The following HCRTR2 variants were observed in gnomAD, a reference collection of about 807,000 sequenced individuals.
The protein encoded by HCRTR2 is orexin receptor type 2.
A neutral mutation model predicts 49.0 loss-of-function variants in HCRTR2; 22 were observed. That is an observed-to-expected ratio of 0.45 (90% confidence interval 0.32 to 0.64). The LOEUF (loss-of-function observed/expected upper bound fraction) is 0.64, where lower values mean the gene tolerates loss of function less well. Among genes scored for constraint, HCRTR2 ranks in the 30% least tolerant of loss-of-function variants. HCRTR2 has a pLI of 0.04. For synonymous variants in HCRTR2, 236 were observed against 205.3 expected (o/e 1.15, Z -1.28); for missense variants, 491 against 559.4 (o/e 0.88, Z 1.23).
At chr6:55,113,513 A>C (rs1764078079) in intron 1 of HCRTR2, among the ~76,000 whole-genome samples, 1 of 152,158 alleles carries the variant, frequency 6.6e-6, no homozygotes, top group Non-Finnish European at 1.5e-5. Context: ...CAAATGGCCA[A>C]TAAACATTTG....
intron 4 of HCRTR2, among the ~76,000 whole-genome samples, chr6:55,266,700 G>A (rs1038874376): frequency 1.2e-4 from 19 of 152,070 alleles, no homozygotes; most frequent in African/African-American, 4.3e-4. Flanking sequence ...AGGTTGCAAT[G>A]TATCTGTCTT....
Position 55,229,510 on chromosome 6 carries a change from A to G in HCRTR2, c.224-19129A>G, listed in dbSNP as rs550569927. ...AATGTCCATCCATGGATTAATGGGT[A>G]AAGAAAATATGGTCTACACATACAA... On this transcript the variant is annotated intron_variant, in intron 1 of 6. Transcript: ENST00000370862. 3.3e-5 allele frequency among the ~76,000 whole-genome samples: 5 copies of G among 152,338 alleles called. No homozygotes were observed. In the South Asian group the frequency reaches 1.0e-3, roughly 32 times the overall value.
intron 1 of HCRTR2, among the ~76,000 whole-genome samples, chr6:55,125,744 G>A (rs1210948567): frequency 6.6e-6 from 1 of 152,092 alleles, no homozygotes; most frequent in Non-Finnish European, 1.5e-5. Context: ...TCATTTTCAT[G>A]TACACCAATA....
intron 2 of HCRTR2, among the ~76,000 whole-genome samples, chr6:55,253,491 G>C (rs573795235): frequency 1.0e-3 from 154 of 152,204 alleles, no homozygotes; most frequent in Non-Finnish European, 1.8e-3. Context: ...AATAGAAGAA[G>C]ATGACTGGAC....
At chr6:55,265,519 A>T (rs1293140149) in intron 4 of HCRTR2, among the ~76,000 whole-genome samples, 1 of 152,078 alleles carries the variant, frequency 6.6e-6, no homozygotes, top group Non-Finnish European at 1.5e-5. Context: ...ACTGGAAGAA[A>T]AGTATATTTT....
intron 1 of HCRTR2, among the ~76,000 whole-genome samples, chr6:55,167,701 G>A (rs1227220831): frequency 6.6e-6 from 1 of 152,104 alleles, no homozygotes; most frequent in South Asian, 2.1e-4. Context: ...ACCCTTCAGA[G>A]CACCCGACGA....
At chr6:55,118,590 A>G (rs1170169297) in intron 1 of HCRTR2, among the ~76,000 whole-genome samples, 3 of 151,860 alleles carry the variant, frequency 2.0e-5, no homozygotes, top group Non-Finnish European at 2.9e-5. Context: ...AATAATAGCC[A>G]TTCTCACTGG....
At chr6:55,248,978 A>C (rs2127312294) in intron 2 of HCRTR2, among the ~76,000 whole-genome samples, 161 bp downstream of exon 2, 1 of 152,282 alleles carries the variant, frequency 6.6e-6, no homozygotes, top group East Asian at 1.9e-4. Context: ...AAATAAGTTA[A>C]GTTCTGGGTA....
chr6:55,107,673 C>T (rs1763994204), intron 1 of HCRTR2, among the ~76,000 whole-genome samples: 1 of 152,064 alleles, frequency 6.6e-6, no homozygotes, highest in South Asian at 2.1e-4. Flanking sequence ...TGACTTGCTT[C>T]AGTTTCCTTT....
At chr6:55,137,819 G>A (rs1764453283) in intron 1 of HCRTR2, among the ~76,000 whole-genome samples, 1 of 152,172 alleles carries the variant, frequency 6.6e-6, no homozygotes, top group Admixed American at 6.5e-5. Flanking sequence ...CACTCTCTAG[G>A]CTGTAAAGAA....
In HCRTR2 at chr6:55,223,894, C is replaced by A. The variant is rs1411439704; in HGVS notation, c.224-24745C>A. Reference sequence around the variant, plus strand: ...TATATGCAGGGAAGTTATTTATATGCAGAGCTGTTAATGGCAGCAATCTGC... The same window carrying A: ...TATATGCAGGGAAGTTATTTATATGAAGAGCTGTTAATGGCAGCAATCTGC... On this transcript the variant is annotated intron_variant, in intron 1 of 6. Coordinates refer to ENST00000370862, the MANE Select transcript of HCRTR2 (RefSeq NM_001384272.1). Among the ~76,000 whole-genome samples, 5 of 152,028 alleles carry A rather than the reference C, an allele frequency of 3.3e-5. No individual in the cohort carries two copies. The East Asian group carries it at 9.6e-4, about 29-fold the overall frequency.
intron 1 of HCRTR2, among the ~76,000 whole-genome samples, chr6:55,187,902 G>C (rs949144062): frequency 6.6e-6 from 1 of 151,510 alleles, no homozygotes; most frequent in East Asian, 1.9e-4. Context: ...TCAGCCTCCC[G>C]AGTAGCTGGG....
intron 1 of HCRTR2, among the ~76,000 whole-genome samples, chr6:55,110,122 G>T (rs1764028995): frequency 6.6e-6 from 1 of 151,976 alleles, no homozygotes; most frequent in Non-Finnish European, 1.5e-5. Context: ...AGTGACTAAG[G>T]TTCATAAATA....
chr6:55,123,791 C>T (rs895523449), intron 1 of HCRTR2, among the ~76,000 whole-genome samples: 2 of 152,140 alleles, frequency 1.3e-5, no homozygotes, highest in Admixed American at 6.6e-5. Flanking sequence ...TTAATTACTG[C>T]CTCTATTTCA....
intron 1 of HCRTR2, among the ~76,000 whole-genome samples, chr6:55,234,357 A>G (rs1462880149): frequency 6.6e-6 from 1 of 152,186 alleles, no homozygotes; most frequent in Non-Finnish European, 1.5e-5. Context: ...GTAAAATGAC[A>G]CATACAATTT....
intron 4 of HCRTR2, among the ~76,000 whole-genome samples, chr6:55,272,185 G>T (rs550165668): frequency 6.6e-6 from 1 of 152,170 alleles, no homozygotes; most frequent in South Asian, 2.1e-4. Flanking sequence ...GCTACTAAAA[G>T]AAATGAAGCA....
chr6:55,216,739 G>A (rs1470554056), intron 1 of HCRTR2, among the ~76,000 whole-genome samples: 1 of 152,174 alleles, frequency 6.6e-6, no homozygotes, highest in Non-Finnish European at 1.5e-5. Flanking sequence ...GGTGCCTGCA[G>A]CTTTCCCAGG....
chr6:55,264,676 T>C (rs549638745), intron 4 of HCRTR2, among the ~76,000 whole-genome samples: 1 of 152,252 alleles, frequency 6.6e-6, no homozygotes, highest in South Asian at 2.1e-4. Flanking sequence ...TTTAGTGGTT[T>C]GTAAGATAGA....
intron 1 of HCRTR2, among the ~76,000 whole-genome samples, chr6:55,200,930 G>T (rs1039541220): frequency 1.3e-5 from 2 of 151,836 alleles, no homozygotes; most frequent in African/African-American, 4.8e-5. Flanking sequence ...TTTGATATAC[G>T]TACTGATTTT....
Sources: allele counts gnomAD v4.1 joint callset (sites outside exome capture counted in the v4.1 genomes callset), GRCh38; gene constraint gnomAD v4.1.1; transcripts MANE v1.5; gene names NCBI Gene and HGNC (gene_info 2026-07-23, HGNC 2026-07-21).